Variants in TBCE observed in about 807,000 individuals in gnomAD.
TBCE encodes tubulin folding cofactor E, also known as tubulin-specific chaperone E.
Under a neutral mutation model 77.0 loss-of-function variants are expected in TBCE, and 53 were observed. The ratio of observed to expected loss-of-function variants is 0.69; its 90% CI spans 0.55 to 0.87. The LOEUF is 0.87. Ranked by LOEUF, TBCE falls within the 40% of genes least tolerant of loss-of-function variation. TBCE has a pLI of 0.00. For missense variants in TBCE, 624 were observed against 622.4 expected, an observed-to-expected ratio of 1.00 and a Z score of -0.03; for synonymous variants, 235 against 241.3, an observed-to-expected ratio of 0.97 and a Z score of 0.24.
intron 4 of TBCE, among the ~76,000 whole-genome samples, chr1:235,418,102 C>G (rs1157575549): frequency 6.6e-6 from 1 of 152,176 alleles, no homozygotes; most frequent in Non-Finnish European, 1.5e-5. Context: ...TCTTCTGTGA[C>G]TGGCTTATTT....
chr1:235,418,972 G>C, intron 4 of TBCE: 1 of 187,552 alleles, frequency 5.3e-6, no homozygotes. Context: ...TTTGGGAGGC[G>C]GAGGTGGGTG....
intron 2 of TBCE, among the ~76,000 whole-genome samples, chr1:235,395,318 G>C (rs1678655979): frequency 6.6e-6 from 1 of 152,052 alleles, no homozygotes; most frequent in Admixed American, 6.6e-5. Context: ...CTAGGTAAAT[G>C]AGGTATCCAT....
At chr1:235,410,872 G>A (rs529386007) in intron 3 of TBCE, among the ~76,000 whole-genome samples, 3 of 152,318 alleles carry the variant, frequency 2.0e-5, no homozygotes, top group South Asian at 2.1e-4. Context: ...TTGGTATGGC[G>A]AAGGCCATTC....
Position 235,387,458 on chromosome 1 carries a change from C to G in TBCE, c.100+7309C>G, listed in dbSNP as rs530692473. Among the ~76,000 whole-genome samples, 231 of 152,322 alleles carry G rather than the reference C, an allele frequency of 1.5e-3. 1 individual carries two copies. The highest frequency in any genetic ancestry group is 6.8e-3 in the Middle Eastern group (2 of 294). ...GAGATGTGGTGGGCTCCACCCAGTT[C>G]GAGCTTCCCGGCTGCTTTGTTTACC... On this transcript the variant is annotated intron_variant, in intron 2 of 16. Coordinates refer to ENST00000642610, the MANE Select transcript of TBCE (RefSeq NM_003193.5).
chr1:235,438,781 G>A lies in TBCE; in HGVS notation c.1129G>A (p.Glu377Lys), dbSNP rs1475221663. ...CACATGAACATAGATTCTCCCCGAG[G>A]AGAGGCGGAGAGCTGAGCTTGACTA... is the stretch of plus-strand genomic sequence containing the variant. ...TLNKCEILPE[E>K]RRRAELDYRK... The change falls in exon 13 of 17, where the codon GAG (glutamate) becomes AAG (lysine). Residue 377 changes from glutamate to lysine, a missense_variant. Physicochemically the swap from Glu to Lys is moderately conservative, Grantham distance 56. Coordinates refer to ENST00000642610, the MANE Select transcript of TBCE (RefSeq NM_003193.5). The A allele has an allele frequency of 5.0e-6, 8 of 1,614,150 alleles. No individual in the cohort carries two copies. Among genetic ancestry groups the A allele is most frequent in the Middle Eastern group, 1.6e-4 (1 of 6,062 alleles).
intron 3 of TBCE, among the ~76,000 whole-genome samples, chr1:235,413,013 G>A (rs1385564953): frequency 6.6e-6 from 1 of 151,836 alleles, no homozygotes. Context: ...ATGTTGGTCA[G>A]GCTGATCTCG....
At chr1:235,418,850 G>A (rs927458435) in intron 4 of TBCE, among the ~76,000 whole-genome samples, 4 of 152,162 alleles carry the variant, frequency 2.6e-5, no homozygotes, top group Admixed American at 6.5e-5. Context: ...TTAGGGATAT[G>A]GAAATATATG....
intron 2 of TBCE, among the ~76,000 whole-genome samples, chr1:235,381,232 C>G (rs995831483): frequency 6.6e-6 from 1 of 152,154 alleles, no homozygotes; most frequent in African/African-American, 2.4e-5. Flanking sequence ...CAGAGATCAC[C>G]AGTTGGTTCA....
At chr1:235,382,397 T>A (rs1336798225) in intron 2 of TBCE, among the ~76,000 whole-genome samples, 3 of 152,198 alleles carry the variant, frequency 2.0e-5, no homozygotes, top group Non-Finnish European at 1.5e-5. Flanking sequence ...CACACTGACT[T>A]CCACAATGGT....
Position 235,450,620 on chromosome 1 carries a change from C to A in TBCE, c.*1858C>A, listed in dbSNP as rs1041282660. 2.9e-5 allele frequency: 11 copies of A among 372,926 alleles called. No homozygotes were observed. Among genetic ancestry groups the A allele is most frequent in the African/African-American group, 2.3e-4 (11 of 48,866 alleles). 23.1% of individuals were successfully genotyped at this position (372,926 alleles called of 1,614,324 possible). ...ATTCCGTAATGAACGATTTTAGAAA[C>A]CACAAGTGAGTTTCATGTTTGCTAG... On this transcript the variant is annotated 3_prime_UTR_variant, in exon 17 of 17. Transcript: ENST00000642610.
chr1:235,419,308 T>A, intron 4 of TBCE, 165 bp from the exon 5 acceptor site: 4 of 1,041,282 alleles, frequency 3.8e-6, no homozygotes, highest in Non-Finnish European at 5.6e-6. Flanking sequence ...GTAGTGCTCT[T>A]TTTCTTTTTT....
chr1:235,448,320 A>G, intron 15 of TBCE, 29 bp from the exon 16 acceptor site: 1 of 1,599,780 alleles, frequency 6.3e-7, no homozygotes, highest in East Asian at 2.2e-5. Context: ...ATTTGAGAGA[A>G]CGAATGGACT....
rs753206339 is a variant in TBCE, at chr1:235,430,734, C to G, written c.590C>G (p.Ser197Ter). The G allele has an allele frequency of 1.7e-5, 27 of 1,613,484 alleles. No homozygotes were observed. Among genetic ancestry groups the G allele is most frequent in the Non-Finnish European group, 2.3e-5 (27 of 1,179,756 alleles). Residue 197 changes from serine to a stop codon, truncating the protein, a stop_gained, in exon 7 of 17, where the codon TCA (serine) becomes TGA (stop). Coordinates refer to ENST00000642610, the MANE Select transcript of TBCE (RefSeq NM_003193.5). LOFTEE classifies it high-confidence loss of function. ...AATAAACTAAAATTTCCCTCCGGTTCAGTATTAACTGGAACGCTTTCTGTA... is the reference window on the plus strand; with the variant it reads ...AATAAACTAAAATTTCCCTCCGGTTGAGTATTAACTGGAACGCTTTCTGTA... ...SENKLKFPSG[S>*]VLTGTLSVLK...
chr1:235,434,080 TG>T, intron 7 of TBCE, 123 bp from the exon 8 acceptor site: 1 of 850,394 alleles, frequency 1.2e-6, no homozygotes, highest in South Asian at 1.3e-5. Context: ...TCTTATGAAC[TG>T]TCCGTGAGGC....
intron 11 of TBCE, among the ~76,000 whole-genome samples, chr1:235,436,989 C>T (rs1020262584): frequency 6.6e-5 from 10 of 151,410 alleles, no homozygotes; most frequent in Non-Finnish European, 1.2e-4. Flanking sequence ...ATTAACCGGG[C>T]GTGGTGGCGC....
At position 235,414,530 on chromosome 1, in the gene TBCE, C is replaced by T. The variant is rs776864478; in HGVS notation, c.283C>T (p.Pro95Ser). ...IKNRYVLEDGPEEDRKEQIVT... is the reference protein window; with the variant it reads ...IKNRYVLEDGSEEDRKEQIVT... The stretch of plus-strand genomic sequence containing the variant: ...GAACCGCTATGTGTTAGAAGATGGA[C>T]CAGAGGAAGATAGAAAAGAGCAAAT... Residue 95 changes from proline (P) to serine (S), a missense_variant, in exon 4 of 17, where the codon CCA becomes TCA. By Grantham distance (74) the Pro-to-Ser change is moderately conservative. Coordinates refer to ENST00000642610, the MANE Select transcript of TBCE (RefSeq NM_003193.5). 2 of 1,613,394 alleles carry T rather than the reference C, an allele frequency of 1.2e-6. No individual in the cohort carries two copies. Among genetic ancestry groups the T allele is most frequent in the Non-Finnish European group, 1.7e-6 (2 of 1,179,870 alleles).
intron 2 of TBCE, among the ~76,000 whole-genome samples, chr1:235,381,256 G>T (rs1469468796): frequency 6.6e-6 from 1 of 152,078 alleles, no homozygotes; most frequent in Non-Finnish European, 1.5e-5. Context: ...GAATAAGCAG[G>T]GTTAGCCTAA....
intron 3 of TBCE, among the ~76,000 whole-genome samples, chr1:235,402,524 C>G (rs569758367): frequency 1.3e-5 from 2 of 152,160 alleles, no homozygotes; most frequent in Non-Finnish European, 2.9e-5. Context: ...AACGATCTTT[C>G]CCTAGTAAGC....
chr1:235,427,034 G>T (rs1358933143), intron 5 of TBCE, 106 bp from the exon 6 acceptor site: 1 of 778,970 alleles, frequency 1.3e-6, no homozygotes, highest in Non-Finnish European at 2.2e-6. Flanking sequence ...TGACTAGAGG[G>T]TATAAAATGA....
Sources: allele counts gnomAD v4.1 joint callset (sites outside exome capture counted in the v4.1 genomes callset), GRCh38; gene constraint gnomAD v4.1.1; transcripts MANE v1.5; gene names NCBI Gene and HGNC (gene_info 2026-07-23, HGNC 2026-07-21).